Variants in CA5B observed in about 807,000 individuals in gnomAD.
CA5B encodes carbonic anhydrase 5B, mitochondrial.
CA5B carries 15 observed loss-of-function variants against 23.1 expected under a neutral mutation model. That is an observed-to-expected ratio of 0.65 (90% CI 0.43 to 1.00). The LOEUF is 1.00. Ranked by LOEUF, CA5B falls within the 50% of genes least tolerant of loss-of-function variation. The probability of loss-of-function intolerance (pLI) is 0.00; values close to 1 mark genes in which losing one functional copy is unlikely to be tolerated. For synonymous variants in CA5B, 84 were observed against 98.5 expected (o/e 0.85, Z 0.87); for missense variants, 236 against 252.2 (o/e 0.94, Z 0.43).
chrX:15,741,369 G>A (rs1323898901), intron 1 of CA5B, among the ~76,000 whole-genome samples: 1 of 97,802 alleles, frequency 1.0e-5, no homozygotes, highest in South Asian at 5.3e-4. Context: ...CACCTGACCC[G>A]GAGACCCTGT....
chrX:15,752,285 A>G (rs1476425071), intron 2 of CA5B, among the ~76,000 whole-genome samples: 1 of 111,396 alleles, frequency 9.0e-6, no homozygotes, highest in African/African-American at 3.3e-5. Context: ...AACCCTATAT[A>G]TCGTGATTTA....
rs1931839442 is a variant in CA5B, at chrX:15,772,500, C to G, written c.345C>G (p.Ile115Met). 8.4e-7 allele frequency: 1 copy of G among 1,186,322 alleles called. No individual in the cohort carries two copies. The highest frequency in any genetic ancestry group is 1.8e-5 in the African/African-American group (1 of 56,650). ...TTGTTGGATGTGCCATTTTAGTGAT[C>G]AAGGGAGGACCCCTGGAACACAACT... ...EFEDSTDKSV[I>M]KGGPLEHNYR... Residue 115 changes from isoleucine (I) to methionine (M), a missense_variant, in exon 4 of 8, where the codon ATC becomes ATG. Physicochemically the swap from Ile to Met is conservative, Grantham distance 10. Around this residue, in one of 3 missense-constraint regions of CA5B, gnomAD observed 170 missense variants for 162.0 expected, o/e 1.05. Coordinates refer to ENST00000318636, the MANE Select transcript of CA5B (RefSeq NM_007220.4).
chrX:15,767,415 T>C (rs1223234704), intron 3 of CA5B, among the ~76,000 whole-genome samples: 1 of 109,830 alleles, frequency 9.1e-6, no homozygotes, highest in Admixed American at 9.7e-5. Flanking sequence ...TTTTTTTTTT[T>C]TTTTGAGACA....
intron 2 of CA5B, among the ~76,000 whole-genome samples, chrX:15,752,586 G>A (rs1432204915): frequency 1.8e-5 from 2 of 111,100 alleles, no homozygotes; most frequent in Non-Finnish European, 3.8e-5. Context: ...TTAGCCAGGC[G>A]TGGTGGTGGG....
intron 2 of CA5B, among the ~76,000 whole-genome samples, chrX:15,753,538 G>C (rs1271140920): frequency 1.8e-5 from 2 of 112,297 alleles, no homozygotes; most frequent in Admixed American, 1.9e-4. Context: ...AAAGGGACAG[G>C]GGCTCTCTAC....
chrX:15,745,183 A>AG (rs759949090), intron 1 of CA5B, among the ~76,000 whole-genome samples: 9 of 86,789 alleles, frequency 1.0e-4, no homozygotes, highest in Non-Finnish European at 1.4e-4. Flanking sequence ...AAAAAAAAAA[A>AG]AAAAGAAAAG....
chrX:15,749,178 A>G (rs780300501), intron 1 of CA5B, among the ~76,000 whole-genome samples: 10 of 111,776 alleles, frequency 8.9e-5, no homozygotes, highest in African/African-American at 3.3e-4. Context: ...AAATTTCAGA[A>G]TGGAATAGGG....
At chrX:15,774,815 G>T (rs1340274127) in intron 5 of CA5B, among the ~76,000 whole-genome samples, 2 of 111,367 alleles carry the variant, frequency 1.8e-5, no homozygotes, top group African/African-American at 6.5e-5. Context: ...TCCAGCCTGG[G>T]CAACAGAGCG....
intron 2 of CA5B, among the ~76,000 whole-genome samples, chrX:15,761,391 A>G (rs892493448): frequency 4.5e-5 from 5 of 112,166 alleles, no homozygotes; most frequent in South Asian, 3.7e-4. Context: ...GCTCCTGCCC[A>G]CAAGGAATTT....
intron 2 of CA5B, among the ~76,000 whole-genome samples, chrX:15,751,548 T>C (rs757158431): frequency 1.1e-3 from 126 of 110,368 alleles, no homozygotes; most frequent in African/African-American, 3.9e-3. Context: ...GCTTTTTTTT[T>C]TTTTGACAGT....
intron 7 of CA5B, among the ~76,000 whole-genome samples, chrX:15,777,268 T>C (rs769400661): frequency 8.9e-6 from 1 of 112,107 alleles, no homozygotes; most frequent in South Asian, 3.6e-4. Context: ...AAATACAGAA[T>C]TCAACAATGT....
At chrX:15,747,060 G>A (rs1259160763) in intron 1 of CA5B, among the ~76,000 whole-genome samples, 1 of 111,590 alleles carries the variant, frequency 9.0e-6, no homozygotes, top group East Asian at 2.8e-4. Context: ...TTGGGAAAGG[G>A]CTGCTATCAA....
intron 2 of CA5B, among the ~76,000 whole-genome samples, chrX:15,754,499 A>G (rs1438835366): frequency 1.8e-5 from 2 of 112,549 alleles, no homozygotes; most frequent in African/African-American, 6.5e-5. Flanking sequence ...GTCAACTCAG[A>G]TTGCTGTTTG....
chrX:15,743,943 G>C (rs1390679861), intron 1 of CA5B, among the ~76,000 whole-genome samples: 2 of 111,880 alleles, frequency 1.8e-5, no homozygotes, highest in Admixed American at 1.9e-4. Context: ...GTCCCCTACA[G>C]TGAGATCAGC....
chrX:15,748,854 A>G (rs1448564994), intron 1 of CA5B, among the ~76,000 whole-genome samples: 1 of 111,387 alleles, frequency 9.0e-6, no homozygotes, highest in Non-Finnish European at 1.9e-5. Flanking sequence ...ATTCAAGAAC[A>G]GCCTGGCCAA....
chrX:15,785,199 A>G lies in CA5B; in HGVS notation c.*2535A>G, dbSNP rs978924985. 4.5e-5 allele frequency: 5 copies of G among 112,303 alleles called. No homozygotes were observed. Among genetic ancestry groups the G allele is most frequent in the Non-Finnish European group, 9.4e-5 (5 of 53,262 alleles). 9.3% of individuals were successfully genotyped at this position (112,303 alleles called of 1,213,427 possible). On this transcript the variant is annotated 3_prime_UTR_variant, in exon 8 of 8. Coordinates refer to ENST00000318636, the MANE Select transcript of CA5B (RefSeq NM_007220.4). ...GAATTACCACCAAAGCGGGATCTCA[A>G]AGAGATATTTGTACACCCATGTTCA...
intron 2 of CA5B, among the ~76,000 whole-genome samples, chrX:15,752,673 C>T (rs147090549): frequency 0.019 from 2,078 of 109,240 alleles, 51 homozygotes; most frequent in African/African-American, 0.066. Context: ...TGCAGTGAGC[C>T]GAGATCGCGC....
intron 2 of CA5B, among the ~76,000 whole-genome samples, chrX:15,759,734 CTTTTTTTTTTTTTTT>C (rs56915078): frequency 1.1e-4 from 4 of 37,396 alleles, no homozygotes; most frequent in African/African-American, 2.6e-4. Context: ...TTACTGACAC[CTTTTTTTTTTTTTTT>C]TTTTTTTTTT....
rs749058450 is a variant in CA5B, at chrX:15,776,805, C to T, written c.710C>T (p.Pro237Leu). The change falls in exon 7 of 8, where the codon CCA (proline) becomes CTA (leucine). Residue 237 changes from proline to leucine, a missense_variant. This residue lies in a region of CA5B where 170 missense variants were observed against 162.0 expected (regional missense o/e 1.05). Transcript: ENST00000318636. ...YWTYSGSLTTPPLSESVTWII... is the reference protein window; with the variant it reads ...YWTYSGSLTTLPLSESVTWII... ...ACCTACTCAGGGTCTCTGACTACCC[C>T]ACCCCTCTCCGAGTCTGTCACCTGG... is the stretch of plus-strand genomic sequence containing the variant. 2 of 1,207,147 alleles carry T rather than the reference C, an allele frequency of 1.7e-6. No individual in the cohort carries two copies. Among genetic ancestry groups the T allele is most frequent in the African/African-American group, 1.8e-5 (1 of 57,135 alleles).
Sources: allele counts gnomAD v4.1 joint callset (sites outside exome capture counted in the v4.1 genomes callset), GRCh38; gene constraint gnomAD v4.1.1; regional missense constraint gnomAD v4.1.1; transcripts MANE v1.5; gene names NCBI Gene and HGNC (gene_info 2026-07-23, HGNC 2026-07-21).